The following KCTD16 variants were observed in gnomAD, a reference collection of about 807,000 sequenced individuals.
KCTD16 encodes BTB/POZ domain-containing protein KCTD16.
A neutral mutation model predicts 33.2 loss-of-function variants in KCTD16; 13 were observed. The observed-to-expected ratio is 0.39, with a 90% CI of 0.25 to 0.62. KCTD16 has a LOEUF of 0.62. KCTD16 is among the 20% of genes least tolerant of loss of function. KCTD16 has a pLI of 0.50. For missense variants in KCTD16, 441 were observed against 525.1 expected (o/e 0.84, Z 1.57); for synonymous variants, 197 against 195.3 (o/e 1.01, Z -0.07).
intron 3 of KCTD16, among the ~76,000 whole-genome samples, chr5:144,380,646 T>C (rs1443241976): frequency 2.6e-5 from 4 of 151,964 alleles, no homozygotes; most frequent in South Asian, 4.2e-4. Context: ...ACCAGACACA[T>C]AGATCAATGG....
At chr5:144,308,642 G>T (rs1751674137) in intron 3 of KCTD16, among the ~76,000 whole-genome samples, 2 of 152,122 alleles carry the variant, frequency 1.3e-5, no homozygotes, top group Non-Finnish European at 2.9e-5. Context: ...TCTATATGTT[G>T]GTATTGATAT....
rs376123298 is a variant in KCTD16 at position 144,284,094 on chromosome 5, TA to T, written c.832+76550del. On this transcript the variant is annotated intron_variant, in intron 3 of 3. Transcript: ENST00000512467. The stretch of plus-strand genomic sequence containing the variant: ...AAGTCACTAGTTAACTCCAGATTCC[TA>T]ATCTCCCCTTAGAACAACTTTAGCA... 3.2e-3 allele frequency among the ~76,000 whole-genome samples: 482 copies of T among 152,322 alleles called. 5 individuals are homozygous for T. Among genetic ancestry groups the T allele is most frequent in the African/African-American group, 0.011 (472 of 41,574 alleles).
At chr5:144,254,903 G>A (rs556728361) in intron 3 of KCTD16, among the ~76,000 whole-genome samples, 2 of 152,162 alleles carry the variant, frequency 1.3e-5, no homozygotes, top group African/African-American at 4.8e-5. Flanking sequence ...GGGACCACAG[G>A]TGTGCATGCA....
At chr5:144,379,108 C>T (rs571805516) in intron 3 of KCTD16, among the ~76,000 whole-genome samples, 2 of 152,252 alleles carry the variant, frequency 1.3e-5, no homozygotes, top group Non-Finnish European at 2.9e-5. Context: ...AAAGTAGATT[C>T]TTTTTATTAT....
At chr5:144,359,151 T>A (rs970314370) in intron 3 of KCTD16, among the ~76,000 whole-genome samples, 25 of 152,166 alleles carry the variant, frequency 1.6e-4, no homozygotes, top group Non-Finnish European at 2.9e-4. Flanking sequence ...CATCGGAAAT[T>A]ACATTTCTCC....
chr5:144,473,795 C>A lies in KCTD16; in HGVS notation c.968C>A (p.Ser323Tyr), dbSNP rs777554566. 5 of 1,614,012 alleles carry A rather than the reference C, an allele frequency of 3.1e-6. No individual in the cohort carries two copies. In the East Asian group the frequency reaches 8.9e-5, roughly 29 times the overall value. Residue 323 changes from serine (S) to tyrosine (Y), a missense_variant, in exon 4 of 4, where the codon TCT (serine) becomes TAT (tyrosine). Around this residue, in one of 3 missense-constraint regions of KCTD16, gnomAD observed 355 missense variants for 413.0 expected, o/e 0.86. Transcript: ENST00000512467. ...TGCGACAGCCAGTCTGAGGCCAGCTCTCCCCAGGAGACGGTCATCTGTGGT... is the reference window on the plus strand; with the variant it reads ...TGCGACAGCCAGTCTGAGGCCAGCTATCCCCAGGAGACGGTCATCTGTGGT... ...SSCDSQSEAS[S>Y]PQETVICGPV...
chr5:144,405,415 C>A (rs561775780), intron 3 of KCTD16, among the ~76,000 whole-genome samples: 1 of 152,310 alleles, frequency 6.6e-6, no homozygotes, highest in Non-Finnish European at 1.5e-5. Context: ...TGGCAAATTA[C>A]TTTCCTGGAT....
At chr5:144,413,400 C>T (rs1384615891) in intron 3 of KCTD16, among the ~76,000 whole-genome samples, 1 of 152,114 alleles carries the variant, frequency 6.6e-6, no homozygotes, top group South Asian at 2.1e-4. Flanking sequence ...TTTATGGCTG[C>T]CCTAGCAAAT....
At position 144,336,973 on chromosome 5, in the gene KCTD16, G is replaced by A. The variant is rs1033080283; in HGVS notation, c.832+129427G>A. Among the ~76,000 whole-genome samples, 42 of 150,752 alleles carry A rather than the reference G, an allele frequency of 2.8e-4. No individual in the cohort carries two copies. The East Asian group carries it at 4.5e-3, about 16-fold the overall frequency. On this transcript the variant is annotated intron_variant, in intron 3 of 3. Transcript: ENST00000512467. The stretch of plus-strand genomic sequence containing the variant: ...GTGTTCATATTCATACATAATTGTA[G>A]TCATATATATATATATTTAATATAT...
chr5:144,473,438 A>G (rs1754523031), intron 3 of KCTD16, among the ~76,000 whole-genome samples: 1 of 151,856 alleles, frequency 6.6e-6, no homozygotes, highest in African/African-American at 2.4e-5. Context: ...ATTATACTAT[A>G]TTTCCTCTTA....
intron 3 of KCTD16, among the ~76,000 whole-genome samples, chr5:144,380,968 C>A (rs1476219907): frequency 3.9e-5 from 6 of 151,924 alleles, no homozygotes; most frequent in Non-Finnish European, 8.8e-5. Context: ...ACAAGTGAGA[C>A]CCCAGAGTTT....
intron 3 of KCTD16, among the ~76,000 whole-genome samples, chr5:144,309,295 C>T (rs1580862181): frequency 6.6e-6 from 1 of 152,128 alleles, no homozygotes; most frequent in South Asian, 2.1e-4. Flanking sequence ...CCTACGACTC[C>T]AGGAGGAAGA....
At chr5:144,457,484 G>A (rs904131046) in intron 3 of KCTD16, among the ~76,000 whole-genome samples, 2 of 152,158 alleles carry the variant, frequency 1.3e-5, no homozygotes, top group African/African-American at 4.8e-5. Context: ...GGGATTGGAA[G>A]GGCATTTTAG....
At chr5:144,319,531 T>C (rs1198410445) in intron 3 of KCTD16, among the ~76,000 whole-genome samples, 2 of 152,218 alleles carry the variant, frequency 1.3e-5, no homozygotes, top group Admixed American at 6.5e-5. Context: ...ATAAATTACG[T>C]TGGAGCTTGC....
chr5:144,326,920 C>A (rs1277724662), intron 3 of KCTD16, among the ~76,000 whole-genome samples: 3 of 152,114 alleles, frequency 2.0e-5, no homozygotes, highest in Non-Finnish European at 1.5e-5. Flanking sequence ...CAGCCTTCAA[C>A]ATATTTGAAG....
intron 3 of KCTD16, among the ~76,000 whole-genome samples, chr5:144,243,505 C>T (rs1347357970): frequency 2.0e-5 from 3 of 152,128 alleles, no homozygotes; most frequent in Admixed American, 6.6e-5. Flanking sequence ...TCTGTTCTAT[C>T]TTTTTGTTAT....
chr5:144,263,278 G>T (rs1451584689), intron 3 of KCTD16, among the ~76,000 whole-genome samples: 2 of 152,150 alleles, frequency 1.3e-5, no homozygotes, highest in Non-Finnish European at 2.9e-5. Flanking sequence ...TTTGTTGGTG[G>T]CAAGGGCATC....
intron 3 of KCTD16, among the ~76,000 whole-genome samples, chr5:144,387,103 A>G (rs1348423558): frequency 1.3e-5 from 2 of 151,008 alleles, no homozygotes; most frequent in African/African-American, 4.9e-5. Context: ...AGTAGCTGTG[A>G]CTACAGGCAT....
At chr5:144,468,619 A>C (rs1754401661) in intron 3 of KCTD16, among the ~76,000 whole-genome samples, 2 of 152,334 alleles carry the variant, frequency 1.3e-5, no homozygotes, top group South Asian at 4.1e-4. Context: ...GAATTATAAA[A>C]ACATCAATTT....
Sources: gnomAD v4.1 joint callset for allele counts (sites outside exome capture counted in the v4.1 genomes callset) on GRCh38, gnomAD v4.1.1 for gene constraint, gnomAD v4.1.1 regional missense constraint, MANE v1.5 for transcripts, NCBI Gene and HGNC (gene_info 2026-07-23, HGNC 2026-07-21) for gene names.